The following NRG2 variants were observed in gnomAD, a reference collection of about 807,000 sequenced individuals.
NRG2 encodes pro-neuregulin-2, membrane-bound isoform.
Under a neutral mutation model 73.9 loss-of-function variants are expected in NRG2, and 27 were observed. The observed-to-expected ratio is 0.37, with a 90% CI of 0.27 to 0.50. The LOEUF is 0.50. Ranked by LOEUF, NRG2 falls within the 20% of genes least tolerant of loss-of-function variation. NRG2 has a pLI of 0.96. For missense variants in NRG2, 1,126 were observed against 1,210.1 expected (o/e 0.93, Z 1.03); for synonymous variants, 532 against 541.0 (o/e 0.98, Z 0.23).
At chr5:139,900,249 T>C (rs1764788938) in intron 1 of NRG2, among the ~76,000 whole-genome samples, 1 of 152,214 alleles carries the variant, frequency 6.6e-6, no homozygotes, top group South Asian at 2.1e-4. Flanking sequence ...CATAGGTAGT[T>C]GTATAAGGAT....
chr5:140,030,576 G>A (rs1761056265), intron 1 of NRG2, among the ~76,000 whole-genome samples: 1 of 152,224 alleles, frequency 6.6e-6, no homozygotes, highest in Non-Finnish European at 1.5e-5. Flanking sequence ...CCTTTCAGTT[G>A]ACTGAGTGTA....
chr5:139,928,820 T>G (rs1260009834), intron 1 of NRG2, among the ~76,000 whole-genome samples: 1 of 152,232 alleles, frequency 6.6e-6, no homozygotes, highest in Non-Finnish European at 1.5e-5. Flanking sequence ...TCACTTGAGC[T>G]GAAAATCCAG....
chr5:139,926,481 G>A (rs73271466), intron 1 of NRG2, among the ~76,000 whole-genome samples: 2,049 of 152,126 alleles, frequency 0.013, 55 homozygotes, highest in African/African-American at 0.047. Context: ...TTTCTGATTC[G>A]CCCTGCTTAT....
rs1181019302 is a variant in NRG2 at position 140,008,461 on chromosome 5, G to A, written c.700+33909C>T. 6.6e-6 allele frequency among the ~76,000 whole-genome samples: 1 copy of A among 152,178 alleles called. No individual in the cohort carries two copies. Among genetic ancestry groups the A allele is most frequent in the Non-Finnish European group, 1.5e-5 (1 of 68,040 alleles). On this transcript the variant is annotated intron_variant, in intron 1 of 9. Transcript: ENST00000361474. This position sits in a 1 kb window ranked among gnomAD's most constrained non-coding sequence, Gnocchi z 4.2. The stretch of plus-strand genomic sequence containing the variant: ...TCTGACCTACTCTCTCTAAGGTCTA[G>A]TCCTATTATAGGCCCACTTCTGGGA...
At chr5:140,040,518 G>A (rs894005857) in intron 1 of NRG2, among the ~76,000 whole-genome samples, 6 of 152,126 alleles carry the variant, frequency 3.9e-5, no homozygotes, top group Admixed American at 1.3e-4. Context: ...GTAGGAGGAG[G>A]GAGACAAGGG....
At chr5:139,943,797 T>C (rs921965505) in intron 1 of NRG2, among the ~76,000 whole-genome samples, 3 of 152,234 alleles carry the variant, frequency 2.0e-5, no homozygotes, top group African/African-American at 7.2e-5. Flanking sequence ...CTTATTAACA[T>C]TGTTAGGTTA....
At chr5:139,886,925 C>T (rs1763908772) in intron 2 of NRG2, among the ~76,000 whole-genome samples, 1 of 152,188 alleles carries the variant, frequency 6.6e-6, no homozygotes, top group Admixed American at 6.5e-5. Flanking sequence ...AGAAACCAGC[C>T]CATCATGTGT....
chr5:139,987,231 T>A (rs202063485), intron 1 of NRG2, among the ~76,000 whole-genome samples: 1 of 142,388 alleles, frequency 7.0e-6, no homozygotes, highest in East Asian at 2.0e-4. Flanking sequence ...AAAAAAAAAA[T>A]TAGCCGAGCG....
At chr5:139,994,948 A>C (rs1757916871) in intron 1 of NRG2, among the ~76,000 whole-genome samples, 1 of 152,178 alleles carries the variant, frequency 6.6e-6, no homozygotes, top group Non-Finnish European at 1.5e-5. Context: ...GAGGTTGTGA[A>C]GGGAGGTTGG....
chr5:139,985,288 C>T (rs1248819720), intron 1 of NRG2, among the ~76,000 whole-genome samples: 1 of 150,290 alleles, frequency 6.7e-6, no homozygotes, highest in African/African-American at 2.5e-5. Context: ...TGCAGTGAGC[C>T]GAGACTGCAC....
At chr5:139,867,388 G>A (rs1762530818) in intron 4 of NRG2, among the ~76,000 whole-genome samples, 1 of 152,070 alleles carries the variant, frequency 6.6e-6, no homozygotes, top group African/African-American at 2.4e-5. Context: ...GCATGGGTGG[G>A]AAGAGGGTAC....
chr5:140,041,582 A>G (rs1761918753), intron 1 of NRG2, among the ~76,000 whole-genome samples: 1 of 151,504 alleles, frequency 6.6e-6, no homozygotes, highest in Non-Finnish European at 1.5e-5. Flanking sequence ...AAGACGTTAG[A>G]GCTGAACTTA....
chr5:139,970,591 C>T (rs1003994370), intron 1 of NRG2, among the ~76,000 whole-genome samples: 2 of 152,344 alleles, frequency 1.3e-5, no homozygotes, highest in East Asian at 3.9e-4. Context: ...TTCTCTCTAA[C>T]TATTCCAGCC....
chr5:140,039,392 C>T (rs985435492), intron 1 of NRG2, among the ~76,000 whole-genome samples: 2 of 152,194 alleles, frequency 1.3e-5, no homozygotes, highest in Non-Finnish European at 2.9e-5. Flanking sequence ...CACCTCCCTC[C>T]ATACAATGCA....
At chr5:139,861,834 C>G in intron 5 of NRG2, 1 of 476,952 alleles carries the variant, frequency 2.1e-6, no homozygotes, top group Admixed American at 2.2e-5. Flanking sequence ...CTGGAGAGCT[C>G]ACATTGTTTG....
In NRG2 at chr5:139,949,194, T is replaced by C. The variant is rs192098449; in HGVS notation, c.701-61683A>G. On this transcript the variant is annotated intron_variant, in intron 1 of 9. Coordinates refer to ENST00000361474, the MANE Select transcript of NRG2 (RefSeq NM_004883.3). The stretch of plus-strand genomic sequence containing the variant: ...TAAGGAGGTTTGAGGAGCCCCCATC[T>C]TTCCTCTCTCAAATTTTCATCATTT... Among the ~76,000 whole-genome samples the C allele has an allele frequency of 3.9e-5, 6 of 152,276 alleles. No homozygotes were observed. The East Asian group carries it at 9.7e-4, about 25-fold the overall frequency.
Position 139,950,665 on chromosome 5 carries a change from A to T in NRG2, c.701-63154T>A, listed in dbSNP as rs138289948. ...AATACTTTCCACACGCCAGAATTAA[A>T]CTAATCCCATTGCAACTGACATCTG... On this transcript the variant is annotated intron_variant, in intron 1 of 9. Transcript: ENST00000361474. Among the ~76,000 whole-genome samples, 19 of 152,330 alleles carry T rather than the reference A, an allele frequency of 1.2e-4. No homozygotes were observed. The East Asian group carries it at 3.7e-3, about 29-fold the overall frequency.
At chr5:139,949,711 C>T (rs1468212219) in intron 1 of NRG2, among the ~76,000 whole-genome samples, 5 of 152,220 alleles carry the variant, frequency 3.3e-5, no homozygotes, top group Non-Finnish European at 5.9e-5. Flanking sequence ...TTCCTTTAGT[C>T]TTCAAAAGTC....
intron 2 of NRG2, among the ~76,000 whole-genome samples, chr5:139,884,679 A>G (rs993923493): frequency 2.6e-5 from 4 of 152,200 alleles, no homozygotes; most frequent in African/African-American, 9.7e-5. Context: ...ACCAGATTCT[A>G]TAGTAGAAGC....
Sources: allele counts gnomAD v4.1 joint callset (sites outside exome capture counted in the v4.1 genomes callset), GRCh38; gene constraint gnomAD v4.1.1; non-coding constraint Gnocchi (gnomAD v3.1); transcripts MANE v1.5; gene names NCBI Gene and HGNC (gene_info 2026-07-23, HGNC 2026-07-21).